Variants in FRMPD1 observed in about 807,000 individuals in gnomAD.
FRMPD1 encodes the protein FERM and PDZ domain-containing protein 1.
A neutral mutation model predicts 117.8 loss-of-function variants in FRMPD1; 76 were observed. The observed-to-expected ratio is 0.65, with a 90% CI of 0.54 to 0.78. The LOEUF is 0.78. FRMPD1 is among the 30% of genes least tolerant of loss of function. The pLI is 0.00. For missense variants in FRMPD1, 1,786 were observed against 1,964.5 expected (o/e 0.91, Z 1.72); for synonymous variants, 783 against 770.4 (o/e 1.02, Z -0.27).
chr9:37,662,665 G>A (rs1391926698), intron 1 of FRMPD1, among the ~76,000 whole-genome samples: 4 of 152,180 alleles, frequency 2.6e-5, no homozygotes, highest in Non-Finnish European at 5.9e-5. Context: ...GTCTTCCCAG[G>A]TGGCACTAGG....
chr9:37,666,875 AC>A (rs1821176040), intron 1 of FRMPD1, among the ~76,000 whole-genome samples: 1 of 151,806 alleles, frequency 6.6e-6, no homozygotes. Flanking sequence ...CACTGATAGA[AC>A]CCTACTTGGC....
chr9:37,686,469 A>G (rs1160178036), intron 1 of FRMPD1, among the ~76,000 whole-genome samples: 4 of 152,226 alleles, frequency 2.6e-5, no homozygotes, highest in Non-Finnish European at 2.9e-5. Flanking sequence ...ACTTCCTTCC[A>G]TTAGCCCAGC....
intron 1 of FRMPD1, among the ~76,000 whole-genome samples, chr9:37,673,356 G>T (rs1821419820): frequency 6.6e-6 from 1 of 152,238 alleles, no homozygotes; most frequent in African/African-American, 2.4e-5. Context: ...TGATGCAAGA[G>T]GTGGGTTCCC....
the FRMPD1 span, among the ~76,000 whole-genome samples, chr9:37,624,120 C>A: frequency 6.6e-6 from 1 of 152,180 alleles, no homozygotes; most frequent in East Asian, 1.9e-4. Context: ...AGGGGAAAGG[C>A]AAGGAAGGAA....
At chr9:37,630,363 G>A in the FRMPD1 span, among the ~76,000 whole-genome samples, 77 of 151,834 alleles carry the variant, frequency 5.1e-4, no homozygotes, top group African/African-American at 1.8e-3. Context: ...TTTTCTTTTC[G>A]TTTCTTTTTT....
At chr9:37,717,369 G>GTGTGTGTGTGTGTGTGTA (rs1407798527) in intron 5 of FRMPD1, among the ~76,000 whole-genome samples, 1 of 94,132 alleles carries the variant, frequency 1.1e-5, no homozygotes, top group African/African-American at 4.3e-5. Context: ...GTGTGTGTGT[G>GTGTGTGTGTGTGTGTGTA]TATATATATA....
intron 1 of FRMPD1, among the ~76,000 whole-genome samples, chr9:37,664,838 G>GT (rs1474780538): frequency 6.6e-6 from 1 of 152,156 alleles, no homozygotes; most frequent in South Asian, 2.1e-4. Context: ...GGGGGAAGTA[G>GT]TTTTCCTACT....
At chr9:37,691,874 TC>T (rs1025205712) in intron 1 of FRMPD1, among the ~76,000 whole-genome samples, 2 of 152,006 alleles carry the variant, frequency 1.3e-5, no homozygotes, top group African/African-American at 4.8e-5. Context: ...GCCACTGCAC[TC>T]CAGCCTGGGT....
chr9:37,717,376 TATA>T, intron 5 of FRMPD1, among the ~76,000 whole-genome samples: 1 of 112,924 alleles, frequency 8.9e-6, no homozygotes, highest in Non-Finnish European at 1.9e-5. Context: ...TGTGTATATA[TATA>T]TATTTTTTTT....
rs905701383 is a variant in FRMPD1 at position 37,719,314 on chromosome 9, C to T, written c.516+138C>T. ...GTGTTTGCAAGAGGCTTTGTGCGCC[C>T]TCCCAGTCAGATGCCTGCAGACCCT... On this transcript the variant is annotated intron_variant, in intron 6 of 15. Transcript: ENST00000377765. 2.4e-4 allele frequency: 156 copies of T among 639,068 alleles called. 1 individual carries two copies. The highest frequency in any genetic ancestry group is 4.1e-4 in the Non-Finnish European group (145 of 350,172). The allele number at this position is 639,068 out of a possible 1,614,324, so 39.6% of individuals were successfully genotyped here.
At chr9:37,692,003 A>G (rs1267070738) in intron 1 of FRMPD1, among the ~76,000 whole-genome samples, 2 of 152,212 alleles carry the variant, frequency 1.3e-5, no homozygotes, top group Non-Finnish European at 2.9e-5. Flanking sequence ...GGTGGGTAGG[A>G]GCAAGGAAGG....
intron 8 of FRMPD1, among the ~76,000 whole-genome samples, chr9:37,730,346 A>G (rs1487958893): frequency 6.6e-6 from 1 of 152,216 alleles, no homozygotes; most frequent in African/African-American, 2.4e-5. Context: ...TGTTGTACCA[A>G]CTTTTTAAAG....
chr9:37,720,865 G>T (rs568474520), intron 6 of FRMPD1, among the ~76,000 whole-genome samples: 2 of 152,228 alleles, frequency 1.3e-5, no homozygotes, highest in Non-Finnish European at 2.9e-5. Context: ...TCAGCCTGGC[G>T]ACAGAGTGAG....
intron 1 of FRMPD1, among the ~76,000 whole-genome samples, chr9:37,683,108 C>A (rs1821787341): frequency 6.6e-6 from 1 of 152,208 alleles, no homozygotes; most frequent in Non-Finnish European, 1.5e-5. Context: ...CCGTTCTGGT[C>A]ATTTCATATA....
chr9:37,614,333 A>C, the FRMPD1 span, among the ~76,000 whole-genome samples: 1 of 152,218 alleles, frequency 6.6e-6, no homozygotes, highest in African/African-American at 2.4e-5. Context: ...AAGAAATGGG[A>C]AATAACATGG....
intron 4 of FRMPD1, among the ~76,000 whole-genome samples, chr9:37,708,704 C>G (rs1822803193): frequency 1.3e-5 from 2 of 152,152 alleles, no homozygotes; most frequent in Non-Finnish European, 2.9e-5. Context: ...TCTCACTTGC[C>G]TACAAAAGAG....
At chr9:37,657,210 T>C (rs1037113290) in intron 1 of FRMPD1, among the ~76,000 whole-genome samples, 3 of 152,166 alleles carry the variant, frequency 2.0e-5, no homozygotes, top group Non-Finnish European at 4.4e-5. Flanking sequence ...GAATATAGGG[T>C]GTAGGCTACA....
chr9:37,699,290 A>G (rs2118086495), intron 2 of FRMPD1, among the ~76,000 whole-genome samples: 1 of 150,656 alleles, frequency 6.6e-6, no homozygotes, highest in South Asian at 2.1e-4. Context: ...ACAAATAAGC[A>G]TGAGATTTAC....
intron 1 of FRMPD1, among the ~76,000 whole-genome samples, chr9:37,663,566 C>G (rs551625776): frequency 6.6e-6 from 1 of 152,274 alleles, no homozygotes; most frequent in Non-Finnish European, 1.5e-5. Context: ...TCCACTGCCA[C>G]ACTCCATCTA....
Sources: gnomAD v4.1 joint callset for allele counts (sites outside exome capture counted in the v4.1 genomes callset) on GRCh38, gnomAD v4.1.1 for gene constraint, MANE v1.5 for transcripts, NCBI Gene and HGNC (gene_info 2026-07-23, HGNC 2026-07-21) for gene names.